The following MOV10L1 variants were observed in gnomAD, a reference collection of about 807,000 sequenced individuals.
MOV10L1 encodes the protein Mov10 like RNA helicase 1.
MOV10L1 carries 110 observed loss-of-function variants against 143.8 expected under a neutral mutation model. That is an observed-to-expected ratio of 0.76 (90% CI 0.66 to 0.90). The LOEUF (loss-of-function observed/expected upper bound fraction) is 0.90. MOV10L1 is among the 40% of genes least tolerant of loss of function. MOV10L1 has a pLI of 0.00. For synonymous variants in MOV10L1, 593 were observed against 581.1 expected (o/e 1.02, Z -0.29); for missense variants, 1,406 against 1,526.8 (o/e 0.92, Z 1.32).
At position 50,161,580 on chromosome 22, in the gene MOV10L1, C is replaced by T; in HGVS notation, c.*131C>T. On this transcript the variant is annotated 3_prime_UTR_variant, in exon 27 of 27. Transcript: ENST00000262794. ...GGGTCGTGTGTGGGTGTGGGGCTGC[C>T]AGGTTGGACGCAGCTGCTGCTGCCC... is the stretch of plus-strand genomic sequence containing the variant. 3 of 894,916 alleles carry T rather than the reference C, an allele frequency of 3.4e-6. No individual in the cohort carries two copies. The highest frequency in any genetic ancestry group is 3.3e-6 in the Non-Finnish European group (2 of 603,140). The allele number at this position is 894,916 out of a possible 1,614,324, so 55.4% of individuals were successfully genotyped here. A position where few individuals can be genotyped will look rare whatever the true frequency, so the allele number is the denominator to read the frequency against.
chr22:50,114,721 C>T, intron 7 of MOV10L1, 99 bp downstream of exon 7: 3 of 1,507,536 alleles, frequency 2.0e-6, no homozygotes, highest in Non-Finnish European at 2.7e-6. Context: ...GGCCAGGACA[C>T]CCGGCAGCTA....
At chr22:50,117,846 T>C (rs2062224939) in intron 9 of MOV10L1, among the ~76,000 whole-genome samples, 1 of 152,214 alleles carries the variant, frequency 6.6e-6, no homozygotes, top group Admixed American at 6.5e-5. Context: ...CTGGGGAACA[T>C]AGGGACCACC....
chr22:50,125,774 A>G (rs562160717), intron 11 of MOV10L1, among the ~76,000 whole-genome samples: 1 of 151,884 alleles, frequency 6.6e-6, no homozygotes, highest in South Asian at 2.1e-4. Flanking sequence ...TGACCCCAGT[A>G]ATGTTTTTGT....
intron 10 of MOV10L1, among the ~76,000 whole-genome samples, chr22:50,123,146 A>C (rs1003948925): frequency 6.7e-6 from 1 of 149,494 alleles, no homozygotes; most frequent in African/African-American, 2.5e-5. Flanking sequence ...CGGTGAGCTG[A>C]GATCGCACCA....
At chr22:50,102,364 C>T (rs1289387418) in intron 3 of MOV10L1, among the ~76,000 whole-genome samples, 1 of 152,198 alleles carries the variant, frequency 6.6e-6, no homozygotes, top group Non-Finnish European at 1.5e-5. Context: ...TGAAAGCAGA[C>T]ATAGCTGTAC....
chr22:50,137,912 T>C (rs928548579), intron 15 of MOV10L1, among the ~76,000 whole-genome samples: 1 of 150,424 alleles, frequency 6.6e-6, no homozygotes, highest in African/African-American at 2.4e-5. Flanking sequence ...TGTATACATA[T>C]ATGTATCTAT....
Position 50,113,760 on chromosome 22 carries a change from A to G in MOV10L1, c.856A>G (p.Arg286Gly). Residue 286 changes from arginine (R) to glycine (G), a missense_variant, in exon 6 of 27, where the codon AGA (arginine) becomes GGA (glycine). Coordinates refer to ENST00000262794, the MANE Select transcript of MOV10L1 (RefSeq NM_018995.3). ...GCATTTTGGAACCCTAAAGGAAGGA[A>G]GAAGTAAAACCATGGTGATCTGGAT... The part of the protein sequence containing the change: ...VTHFGTLKEG[R>G]SKTMVIWIEN... 5 of 1,613,666 alleles carry G rather than the reference A, an allele frequency of 3.1e-6. No homozygotes were observed. Among genetic ancestry groups the G allele is most frequent in the East Asian group, 4.5e-5 (2 of 44,868 alleles).
chr22:50,142,182 C>T lies in MOV10L1; in HGVS notation c.2172C>T (p.Ser724=), dbSNP rs200177191. The T allele has an allele frequency of 3.2e-5, 52 of 1,610,802 alleles. No individual in the cohort carries two copies. The East Asian group carries it at 7.6e-4, about 24-fold the overall frequency. ...PVLAPFTAEM[S]DWVDEIQTPK... is the part of the protein sequence containing the mutation. ...TGGCACCCTTTACTGCAGAGATGAG[C>T]GATTGGGGTATGTGCTCATGAGGGG... Residue 724 remains serine, a synonymous_variant, in exon 16 of 27, where the codon AGC becomes AGT. Coordinates refer to ENST00000262794, the MANE Select transcript of MOV10L1 (RefSeq NM_018995.3).
intron 3 of MOV10L1, among the ~76,000 whole-genome samples, chr22:50,102,214 G>T (rs2061763046): frequency 6.6e-6 from 1 of 152,072 alleles, no homozygotes; most frequent in Non-Finnish European, 1.5e-5. Context: ...AAAACCTAAG[G>T]ACCACAGCAA....
chr22:50,160,556 G>A, intron 24 of MOV10L1, 132 bp from the exon 25 acceptor site: 2 of 1,232,574 alleles, frequency 1.6e-6, no homozygotes, highest in South Asian at 1.6e-5. Flanking sequence ...CCGGCCTCCT[G>A]TTTCTTTTTG....
chr22:50,098,272 C>CTT (rs10627093), intron 2 of MOV10L1, among the ~76,000 whole-genome samples: 95,601 of 141,526 alleles, frequency 0.68, 31,961 homozygotes, highest in Admixed American at 0.79. Context: ...TTAATAATCA[C>CTT]ATAATCACTT....
rs370493765 is a variant in MOV10L1, at chr22:50,144,052, C to T, written c.2359-45C>T. On this transcript the variant is annotated intron_variant, in intron 17 of 26. Transcript: ENST00000262794. The stretch of plus-strand genomic sequence containing the variant: ...GGTTAGACTCCTGGTTTCCACCTTG[C>T]GGTGTGGATGTTGAGCCTTGGTCTC... 1.8e-4 allele frequency: 280 copies of T among 1,582,784 alleles called. 3 individuals carry two copies. In the South Asian group the frequency reaches 2.1e-3, roughly 12 times the overall value.
At chr22:50,090,258 A>T in intron 1 of MOV10L1, 73 bp downstream of exon 1, 1 of 1,416,614 alleles carries the variant, frequency 7.1e-7, no homozygotes, top group East Asian at 2.7e-5. Flanking sequence ...CCGCGCCCAT[A>T]GGTCTTTGAG....
At chr22:50,133,466 A>C (rs1023810775) in intron 13 of MOV10L1, among the ~76,000 whole-genome samples, 47 of 151,168 alleles carry the variant, frequency 3.1e-4, no homozygotes, top group African/African-American at 1.1e-3. Context: ...AAAAAAAAAA[A>C]AAAAAGAAAG....
At position 50,119,274 on chromosome 22, in the gene MOV10L1, G is replaced by A. The variant is rs905936767; in HGVS notation, c.1455-1228G>A. 3.3e-5 allele frequency among the ~76,000 whole-genome samples: 5 copies of A among 152,142 alleles called. No individual in the cohort carries two copies. The South Asian group carries it at 6.2e-4, about 19-fold the overall frequency. The stretch of plus-strand genomic sequence containing the variant: ...GTTAGTGACCCAGAGTGCCTGACCC[G>A]GGTTGGCTCGAGCACACCTGGAGCA... On this transcript the variant is annotated intron_variant, in intron 9 of 26. Coordinates refer to ENST00000262794, the MANE Select transcript of MOV10L1 (RefSeq NM_018995.3).
intron 10 of MOV10L1, among the ~76,000 whole-genome samples, chr22:50,122,932 C>T (rs915415082): frequency 6.6e-6 from 1 of 152,100 alleles, no homozygotes; most frequent in African/African-American, 2.4e-5. Context: ...TTACAATCCT[C>T]CCGCCTTGGC....
chr22:50,142,911 G>C (rs2063032203), intron 16 of MOV10L1, 132 bp from the exon 17 acceptor site: 1 of 740,780 alleles, frequency 1.3e-6, no homozygotes, highest in African/African-American at 1.8e-5. Context: ...TCACACTGAA[G>C]AGCTACTCCC....
chr22:50,120,747 C>T (rs774193534), intron 10 of MOV10L1, 131 bp downstream of exon 10: 18 of 681,396 alleles, frequency 2.6e-5, no homozygotes, highest in Non-Finnish European at 3.8e-5. Context: ...GCTGGGATAA[C>T]GAGGGTCACT....
At chr22:50,095,642 A>G (rs1214134021) in intron 2 of MOV10L1, 1 of 152,144 alleles carries the variant, frequency 6.6e-6, no homozygotes, top group Non-Finnish European at 1.5e-5. Flanking sequence ...CATTAATTTG[A>G]TAATGAAAAT....
Sources: allele counts gnomAD v4.1 joint callset (sites outside exome capture counted in the v4.1 genomes callset), GRCh38; gene constraint gnomAD v4.1.1; transcripts MANE v1.5; gene names NCBI Gene and HGNC (gene_info 2026-07-23, HGNC 2026-07-21).